SNX10: variants seen among roughly 807,000 people sequenced by gnomAD.
SNX10 encodes sorting nexin 10.
SNX10 carries 25 observed loss-of-function variants against 28.5 expected under a neutral mutation model. That is an observed-to-expected ratio of 0.88 (90% CI 0.64 to 1.22). The LOEUF (loss-of-function observed/expected upper bound fraction) is 1.22, where lower values mean the gene tolerates loss of function less well. SNX10 is among the 50% of genes most tolerant of loss of function. The probability of loss-of-function intolerance (pLI) is 0.00; values close to 1 mark genes in which losing one functional copy is unlikely to be tolerated. For synonymous variants in SNX10, 62 were observed against 81.4 expected (o/e 0.76, Z 1.28); for missense variants, 223 against 242.6 (o/e 0.92, Z 0.54).
At chr7:26,342,288 A>G (rs987539782) in intron 1 of SNX10, among the ~76,000 whole-genome samples, 1 of 152,132 alleles carries the variant, frequency 6.6e-6, no homozygotes, top group Non-Finnish European at 1.5e-5. Flanking sequence ...AGGCCTCCCA[A>G]AGTGTTGGGA....
At chr7:26,369,199 A>G (rs1789409264) in intron 5 of SNX10, among the ~76,000 whole-genome samples, 2 of 152,170 alleles carry the variant, frequency 1.3e-5, no homozygotes, top group South Asian at 4.1e-4. Flanking sequence ...TTTTAAATGG[A>G]GGTTTCTACA....
chr7:26,340,704 A>G (rs538507136), intron 1 of SNX10, among the ~76,000 whole-genome samples: 1 of 152,276 alleles, frequency 6.6e-6, no homozygotes, highest in Non-Finnish European at 1.5e-5. Flanking sequence ...TCCAGCTGTA[A>G]TGTCACCAGC....
In SNX10 at chr7:26,372,690, A is replaced by G; in HGVS notation, c.*118A>G. The G allele has an allele frequency of 4.6e-6, 3 of 650,448 alleles. No homozygotes were observed. Among genetic ancestry groups the G allele is most frequent in the Non-Finnish European group, 8.2e-6 (3 of 367,188 alleles). The allele number at this position is 650,448 out of a possible 1,614,324, so 40.3% of individuals were successfully genotyped here. A position where few individuals can be genotyped will look rare whatever the true frequency, so the allele number is the denominator to read the frequency against. ...CACTGTCATGATGTTAGGTATTTAA[A>G]TTCTTAAAGATGTTGGGTTGTTTAT... On this transcript the variant is annotated 3_prime_UTR_variant, in exon 7 of 7. Coordinates refer to ENST00000338523, the MANE Select transcript of SNX10 (RefSeq NM_013322.3).
Position 26,340,344 on chromosome 7 carries a change from G to A in SNX10, c.-23-6076G>A, listed in dbSNP as rs544622332. Among the ~76,000 whole-genome samples the A allele has an allele frequency of 2.0e-5, 3 of 152,302 alleles. No individual in the cohort carries two copies. In the East Asian group the frequency reaches 5.8e-4, roughly 29 times the overall value. ...GCCATGTTCATTCAGTTAGGCATCT[G>A]TGAGTGCCTTTTCACTATGCACTGC... On this transcript the variant is annotated intron_variant, in intron 1 of 6. Transcript: ENST00000338523.
chr7:26,357,028 G>T, intron 2 of SNX10: 5 of 1,177,680 alleles, frequency 4.2e-6, no homozygotes, highest in Middle Eastern at 2.5e-4. Flanking sequence ...TTCATTAAAT[G>T]ATACTAATGG....
At chr7:26,356,714 T>C (rs2128018696) in intron 2 of SNX10, among the ~76,000 whole-genome samples, 1 of 152,366 alleles carries the variant, frequency 6.6e-6, no homozygotes, top group South Asian at 2.1e-4. Flanking sequence ...ACTAAGTTAC[T>C]GAAGCTATCA....
At chr7:26,312,070 A>G (rs796766572) in intron 1 of SNX10, among the ~76,000 whole-genome samples, 44 of 152,162 alleles carry the variant, frequency 2.9e-4, no homozygotes, top group African/African-American at 8.7e-4. Flanking sequence ...ATATCAGAAA[A>G]CAAAAGTTAC....
In SNX10 at chr7:26,372,519, G is replaced by A; in HGVS notation, c.553G>A (p.Asp185Asn). ...ATCCTCTGGGCTTGGACACAGTAGT[G>A]ATGACAGCAGTTCACATGGATGTAA... ...SSSSGLGHSS[D>N]DSSSHGCKVN... The change falls in exon 7 of 7, where the codon GAT becomes AAT. Residue 185 changes from aspartate (D) to asparagine (N), a missense_variant. Asp to Asn is a conservative substitution (Grantham distance 23, BLOSUM62 1). Transcript: ENST00000338523. 6.2e-7 allele frequency: 1 copy of A among 1,609,872 alleles called. No individual in the cohort carries two copies. The highest frequency in any genetic ancestry group is 8.5e-7 in the Non-Finnish European group (1 of 1,176,256).
At chr7:26,367,546 C>T (rs1427452350) in intron 5 of SNX10, among the ~76,000 whole-genome samples, 2 of 152,206 alleles carry the variant, frequency 1.3e-5, no homozygotes, top group East Asian at 1.9e-4. Flanking sequence ...ACAGGGCTGG[C>T]TTCAGGCCTG....
intron 1 of SNX10, among the ~76,000 whole-genome samples, chr7:26,345,083 A>T (rs570299737): frequency 6.6e-6 from 1 of 152,254 alleles, no homozygotes; most frequent in East Asian, 1.9e-4. Flanking sequence ...GGCACTTGCC[A>T]TCAGATTTAG....
At chr7:26,368,376 CCT>C (rs1003559745) in intron 5 of SNX10, among the ~76,000 whole-genome samples, 8 of 151,806 alleles carry the variant, frequency 5.3e-5, no homozygotes, top group African/African-American at 1.7e-4. Context: ...TATTCTTGCC[CCT>C]GAGTAATTAT....
intron 2 of SNX10, among the ~76,000 whole-genome samples, chr7:26,348,521 G>T (rs1203826860): frequency 1.3e-5 from 2 of 152,216 alleles, no homozygotes; most frequent in African/African-American, 4.8e-5. Context: ...TGGGCAGTCA[G>T]GTGGGGTCCA....
intron 1 of SNX10, among the ~76,000 whole-genome samples, chr7:26,337,266 A>G (rs545960645): frequency 1.5e-4 from 23 of 152,330 alleles, no homozygotes; most frequent in Admixed American, 3.9e-4. Context: ...GAAATTTGCA[A>G]TCTTACCCAT....
chr7:26,301,195 G>A (rs1333249343), intron 1 of SNX10, among the ~76,000 whole-genome samples: 2 of 152,004 alleles, frequency 1.3e-5, no homozygotes, highest in African/African-American at 2.4e-5. Context: ...GTCTAACCAG[G>A]CTTTCTGGCA....
rs560889826 is a variant in SNX10 at position 26,314,006 on chromosome 7, C to G, written c.-24+21920C>G. ...GTATTTTTAGTAGAGACGGGGTTTC[C>G]CCATGTTGGCCAGGCTGATCTCGAA... On this transcript the variant is annotated intron_variant, in intron 1 of 6. Coordinates refer to ENST00000338523, the MANE Select transcript of SNX10 (RefSeq NM_013322.3). 3.3e-3 allele frequency among the ~76,000 whole-genome samples: 495 copies of G among 151,866 alleles called. 2 individuals carry two copies. The highest frequency in any genetic ancestry group is 0.012 in the African/African-American group (477 of 41,444).
intron 1 of SNX10, among the ~76,000 whole-genome samples, chr7:26,334,302 A>G (rs1654977853): frequency 6.6e-6 from 1 of 152,198 alleles, no homozygotes. Flanking sequence ...GCATTTAAGG[A>G]CAGTTTTTGA....
chr7:26,332,597 G>T (rs769445741), intron 1 of SNX10, among the ~76,000 whole-genome samples: 56 of 152,156 alleles, frequency 3.7e-4, no homozygotes, highest in Admixed American at 8.5e-4. Flanking sequence ...CTATTTTTTT[G>T]TTGTTGTTGC....
intron 1 of SNX10, among the ~76,000 whole-genome samples, chr7:26,302,645 G>A (rs548099705): frequency 7.2e-4 from 109 of 152,258 alleles, no homozygotes; most frequent in Non-Finnish European, 1.2e-3. Flanking sequence ...TGCTTTCTGC[G>A]GGGTGCACCC....
chr7:26,313,582 A>T (rs1178817810), intron 1 of SNX10, among the ~76,000 whole-genome samples: 1 of 152,218 alleles, frequency 6.6e-6, no homozygotes, highest in Admixed American at 6.5e-5. Context: ...TAATTTAGGC[A>T]TTAGACGAAT....
Sources: gnomAD v4.1 joint callset for allele counts (sites outside exome capture counted in the v4.1 genomes callset) on GRCh38, gnomAD v4.1.1 for gene constraint, MANE v1.5 for transcripts, NCBI Gene and HGNC (gene_info 2026-07-23, HGNC 2026-07-21) for gene names.